The following ESRRG variants were observed in gnomAD, a reference collection of about 807,000 sequenced individuals.
ESRRG encodes estrogen-related receptor gamma.
ESRRG carries 13 observed loss-of-function variants against 44.0 expected under a neutral mutation model. The observed-to-expected ratio is 0.30, with a 90% confidence interval of 0.19 to 0.47. The LOEUF (loss-of-function observed/expected upper bound fraction) is 0.47. Ranked by LOEUF, ESRRG falls within the 20% of genes least tolerant of loss-of-function variation. The pLI, the probability that ESRRG is intolerant of heterozygous loss-of-function variation, is 1.00. For missense variants in ESRRG, 395 were observed against 580.6 expected (o/e 0.68, Z 3.29); for synonymous variants, 215 against 214.6 (o/e 1.00, Z -0.02).
At chr1:216,524,691 A>C (rs1209170909) in intron 5 of ESRRG, among the ~76,000 whole-genome samples, 1 of 152,082 alleles carries the variant, frequency 6.6e-6, no homozygotes, top group African/African-American at 2.4e-5. Flanking sequence ...TTTATACTTT[A>C]ATTAGGTTTC....
At chr1:216,599,724 T>G (rs920352863) in intron 3 of ESRRG, among the ~76,000 whole-genome samples, 2 of 151,898 alleles carry the variant, frequency 1.3e-5, no homozygotes, top group Admixed American at 1.3e-4. Flanking sequence ...AATGATCCTT[T>G]CAAATATTAA....
At chr1:217,010,000 G>A (rs118163607) in intron 1 of ESRRG, among the ~76,000 whole-genome samples, 2,336 of 152,056 alleles carry the variant, frequency 0.015, 71 homozygotes, top group East Asian at 0.073. Context: ...CACCGCGCCC[G>A]GCCTGAGTAT....
chr1:216,908,679 AAGAG>A (rs1326365626), intron 2 of ESRRG, among the ~76,000 whole-genome samples: 2 of 152,132 alleles, frequency 1.3e-5, no homozygotes, highest in African/African-American at 4.8e-5. Context: ...ATTGGACAAA[AAGAG>A]AGAGAACAAA....
rs1435996772 is a variant in ESRRG at position 216,925,362 on chromosome 1, G to A, written c.-14+14220C>T. Among the ~76,000 whole-genome samples, 6 of 152,224 alleles carry A rather than the reference G, an allele frequency of 3.9e-5. No homozygotes were observed. The East Asian group carries it at 1.2e-3, about 30-fold the overall frequency. On this transcript the variant is annotated intron_variant, in intron 2 of 7. Coordinates refer to the ESRRG transcript ENST00000359162. ...TGAGGAAGGAAAATTGCCTGAACCC[G>A]GGAGGCGGAGGTTGCAGTGAGCTGA...
chr1:216,731,521 C>T (rs918863958), intron 2 of ESRRG, among the ~76,000 whole-genome samples: 9 of 152,206 alleles, frequency 5.9e-5, no homozygotes, highest in African/African-American at 2.2e-4. Flanking sequence ...GAACATATCA[C>T]ATTCTAGAGA....
chr1:216,720,026 A>G (rs1182937782), intron 1 of ESRRG, among the ~76,000 whole-genome samples: 3 of 152,194 alleles, frequency 2.0e-5, no homozygotes, highest in East Asian at 3.9e-4. Context: ...AACATGGGGT[A>G]CCCATCATTT....
intron 4 of ESRRG, among the ~76,000 whole-genome samples, chr1:216,566,559 A>T (rs2059715196): frequency 6.6e-6 from 1 of 152,224 alleles, no homozygotes; most frequent in African/African-American, 2.4e-5. Flanking sequence ...AGAGGAAATT[A>T]TCAATGGTTT....
intron 1 of ESRRG, among the ~76,000 whole-genome samples, chr1:216,958,728 G>C (rs921040725): frequency 6.6e-6 from 1 of 152,014 alleles, no homozygotes; most frequent in Admixed American, 6.6e-5. Context: ...AGCACAACAC[G>C]ATCTGCCGCT....
At chr1:216,544,922 G>A (rs1417039864) in intron 5 of ESRRG, among the ~76,000 whole-genome samples, 1 of 151,590 alleles carries the variant, frequency 6.6e-6, no homozygotes, top group Non-Finnish European at 1.5e-5. Flanking sequence ...TAAATGATTA[G>A]GAAAACAATT....
chr1:216,547,170 G>A (rs1245929128), intron 5 of ESRRG, among the ~76,000 whole-genome samples: 2 of 151,926 alleles, frequency 1.3e-5, no homozygotes, highest in Non-Finnish European at 2.9e-5. Context: ...AAGATTAATT[G>A]AGATAATATA....
chr1:217,020,673 G>C (rs2080153217), intron 1 of ESRRG, among the ~76,000 whole-genome samples: 1 of 152,152 alleles, frequency 6.6e-6, no homozygotes. Context: ...GGACAGAGGA[G>C]CTCTTTCTCT....
intron 6 of ESRRG, among the ~76,000 whole-genome samples, chr1:216,511,412 T>C (rs1328646411): frequency 6.6e-6 from 1 of 151,668 alleles, no homozygotes; most frequent in African/African-American, 2.4e-5. Context: ...AGAATTTTTT[T>C]AACCTCTCCA....
In ESRRG at chr1:216,779,516, A is replaced by ATATAT. The variant is rs1491512408; in HGVS notation, c.-13-102026_-13-102025insATATA. 2.5e-3 allele frequency among the ~76,000 whole-genome samples: 90 copies of ATATAT among 36,712 alleles called. 5 individuals are homozygous for ATATAT. Among genetic ancestry groups the ATATAT allele is most frequent in the East Asian group, 3.9e-3 (4 of 1,026 alleles). 24.1% of individuals were successfully genotyped at this position (36,712 alleles called of 152,430 possible). The stretch of plus-strand genomic sequence containing the variant: ...TATTTATATATAAATATATATTTAT[A>ATATAT]AATATAAATATAAATATTTATATTT... On this transcript the variant is annotated intron_variant, in intron 2 of 7. Transcript: ENST00000359162.
chr1:216,870,993 T>A (rs1294582884), intron 2 of ESRRG, among the ~76,000 whole-genome samples: 1 of 152,006 alleles, frequency 6.6e-6, no homozygotes, highest in Non-Finnish European at 1.5e-5. Flanking sequence ...TAATTTATGC[T>A]TATATCTTTA....
In ESRRG at chr1:216,796,921, T is replaced by A. The variant is rs1315210875; in HGVS notation, c.-13-119430A>T. 2.6e-5 allele frequency among the ~76,000 whole-genome samples: 4 copies of A among 152,216 alleles called. No individual in the cohort carries two copies. In the East Asian group the frequency reaches 7.7e-4, roughly 29 times the overall value. ...TATTTTGTCTTTTTTAGATGCAGTCTCACCCTGTTGCCCAGGCTGGAGTGC... is the reference window on the plus strand; with the variant it reads ...TATTTTGTCTTTTTTAGATGCAGTCACACCCTGTTGCCCAGGCTGGAGTGC... On this transcript the variant is annotated intron_variant, in intron 2 of 7. Transcript: ENST00000359162.
intron 1 of ESRRG, among the ~76,000 whole-genome samples, chr1:216,961,018 A>G (rs555960322): frequency 6.6e-6 from 1 of 152,282 alleles, no homozygotes; most frequent in East Asian, 1.9e-4. Context: ...CAGACATCAA[A>G]ACATATTACA....
chr1:216,999,324 A>G (rs1560420899), intron 1 of ESRRG, among the ~76,000 whole-genome samples: 1 of 152,238 alleles, frequency 6.6e-6, no homozygotes, highest in Admixed American at 6.5e-5. Flanking sequence ...TATGGGTACT[A>G]TCCATAAGGA....
intron 1 of ESRRG, among the ~76,000 whole-genome samples, chr1:217,073,962 T>C (rs2090933434): frequency 6.6e-6 from 1 of 152,154 alleles, no homozygotes; most frequent in South Asian, 2.1e-4. Flanking sequence ...CTTACTAGTC[T>C]GTTCATTATT....
chr1:216,835,645 C>G (rs2095553197), intron 2 of ESRRG, among the ~76,000 whole-genome samples: 1 of 152,146 alleles, frequency 6.6e-6, no homozygotes, highest in African/African-American at 2.4e-5. Context: ...GAGGTACATT[C>G]CACCAGAGGT....
Sources: allele counts gnomAD v4.1 joint callset (sites outside exome capture counted in the v4.1 genomes callset), GRCh38; gene constraint gnomAD v4.1.1; transcripts MANE v1.5; gene names NCBI Gene and HGNC (gene_info 2026-07-23, HGNC 2026-07-21).